Variants in TOX observed in about 807,000 individuals in gnomAD.
The protein encoded by TOX is thymocyte selection associated high mobility group box, also known as thymocyte selection-associated high mobility group box protein TOX.
A neutral mutation model predicts 53.7 loss-of-function variants in TOX; 11 were observed. That is an observed-to-expected ratio of 0.20 (90% CI 0.13 to 0.34). The LOEUF is 0.34. TOX is among the 10% of genes least tolerant of loss of function. The pLI is 1.00. For missense variants in TOX, 570 were observed against 664.6 expected (o/e 0.86, Z 1.56); for synonymous variants, 225 against 245.3 (o/e 0.92, Z 0.77).
At chr8:58,981,035 T>C (rs752592620) in intron 1 of TOX, among the ~76,000 whole-genome samples, 3 of 152,236 alleles carry the variant, frequency 2.0e-5, no homozygotes, top group Non-Finnish European at 2.9e-5. Flanking sequence ...GATTTTTATA[T>C]TTCTCTTGCA....
At chr8:58,819,263 A>T (rs893772982) in intron 6 of TOX, among the ~76,000 whole-genome samples, 1 of 152,244 alleles carries the variant, frequency 6.6e-6, no homozygotes, top group Non-Finnish European at 1.5e-5. Flanking sequence ...CTATTTTCTC[A>T]TACATACTAA....
intron 1 of TOX, among the ~76,000 whole-genome samples, chr8:59,008,587 C>T (rs1328310860): frequency 1.3e-5 from 2 of 152,154 alleles, no homozygotes; most frequent in African/African-American, 2.4e-5. Flanking sequence ...GCTCACCTCC[C>T]CCCCATGACT....
intron 3 of TOX, among the ~76,000 whole-genome samples, chr8:58,934,575 C>G (rs536255561): frequency 6.6e-6 from 1 of 152,290 alleles, no homozygotes; most frequent in East Asian, 1.9e-4. Flanking sequence ...CTGACGCACT[C>G]TGGCCCAAAG....
At chr8:59,005,621 A>G (rs866845569) in intron 1 of TOX, among the ~76,000 whole-genome samples, 60 of 152,334 alleles carry the variant, frequency 3.9e-4, no homozygotes, top group Middle Eastern at 3.4e-3. Context: ...AATTCACTAC[A>G]TGTACAACCA....
chr8:59,040,696 G>A (rs971637339), intron 1 of TOX, among the ~76,000 whole-genome samples: 2 of 152,154 alleles, frequency 1.3e-5, no homozygotes, highest in African/African-American at 4.8e-5. Context: ...TGCACAGCAC[G>A]ACCAAAGCAC....
intron 1 of TOX, among the ~76,000 whole-genome samples, chr8:59,039,580 C>G (rs1803538559): frequency 6.6e-6 from 1 of 152,184 alleles, no homozygotes; most frequent in Admixed American, 6.5e-5. Flanking sequence ...CTCTGTTCAT[C>G]TCTTATTCCC....
At chr8:59,069,730 GAGA>G (rs1185954497) in intron 1 of TOX, among the ~76,000 whole-genome samples, 12 of 152,142 alleles carry the variant, frequency 7.9e-5, no homozygotes, top group Non-Finnish European at 1.8e-4. Context: ...AAGAGGTCCA[GAGA>G]AGAAGAAGAA....
At chr8:58,985,536 A>T (rs549505788) in intron 1 of TOX, among the ~76,000 whole-genome samples, 1 of 152,324 alleles carries the variant, frequency 6.6e-6, no homozygotes, top group African/African-American at 2.4e-5. Flanking sequence ...TTTGACTTTC[A>T]GTTTTGCAAG....
chr8:59,040,184 C>G (rs1258486718), intron 1 of TOX, among the ~76,000 whole-genome samples: 1 of 151,830 alleles, frequency 6.6e-6, no homozygotes, highest in Non-Finnish European at 1.5e-5. Flanking sequence ...AAAAAATTAG[C>G]CGGGCGTAGT....
intron 4 of TOX, among the ~76,000 whole-genome samples, chr8:58,840,529 A>G (rs1280438287): frequency 1.3e-5 from 2 of 152,166 alleles, no homozygotes; most frequent in African/African-American, 4.8e-5. Flanking sequence ...TCAGCTTTTA[A>G]TACCCTGATG....
In TOX at chr8:58,826,810, A is replaced by G; in HGVS notation, c.1005+12T>C. The G allele has an allele frequency of 1.9e-6, 3 of 1,598,938 alleles. No individual in the cohort carries two copies. Among genetic ancestry groups the G allele is most frequent in the East Asian group, 4.5e-5 (2 of 44,070 alleles). On this transcript the variant is annotated intron_variant, in intron 6 of 8. Transcript: ENST00000361421. Reference sequence around the variant, plus strand: ...CCACAATCCTTCACAATATCACACAACTGCACGTTACCTTGGATACAAGGC... The same window carrying G: ...CCACAATCCTTCACAATATCACACAGCTGCACGTTACCTTGGATACAAGGC...
At chr8:58,959,010 A>G (rs1158730634) in intron 2 of TOX, among the ~76,000 whole-genome samples, 1 of 152,314 alleles carries the variant, frequency 6.6e-6, no homozygotes, top group East Asian at 1.9e-4. Context: ...TATTAAATCT[A>G]TATGTGTGGA....
In TOX at chr8:59,048,429, T is replaced by A. The variant is rs78470910; in HGVS notation, c.102+70457A>T. On this transcript the variant is annotated intron_variant, in intron 1 of 8. Transcript: ENST00000361421. ...ACATAATAGATAATTCCCCCTTTTT[T>A]ATCTGTGAAGACATTGAAACATCAG... Among the ~76,000 whole-genome samples the A allele has an allele frequency of 8.7e-4, 132 of 152,342 alleles. 3 individuals are homozygous for A. The East Asian group carries it at 0.024, about 27-fold the overall frequency.
At position 58,851,809 on chromosome 8, in the gene TOX, C is replaced by CAATG. The variant is rs761722563; in HGVS notation, c.412-5_412-4insCATT. Reference sequence around the variant, plus strand: ...CTGGGTTTCGTATATCTGGCATCTACAATAAATAAATAAATAAATAAATAA... The same window carrying CAATG: ...CTGGGTTTCGTATATCTGGCATCTACAATGAATAAATAAATAAATAAATAAATAA... On this transcript the variant is annotated splice_polypyrimidine_tract_variant and splice_region_variant and intron_variant, in intron 3 of 8. Coordinates refer to ENST00000361421, the MANE Select transcript of TOX (RefSeq NM_014729.3). This position sits in a 1 kb window ranked among gnomAD's most constrained non-coding sequence, Gnocchi z 4.4. 4 of 1,207,214 alleles carry CAATG rather than the reference C, an allele frequency of 3.3e-6. No individual in the cohort carries two copies. In the African/African-American group the frequency reaches 6.5e-5, roughly 20 times the overall value. The allele number at this position is 1,207,214 out of a possible 1,614,324, so 74.8% of individuals were successfully genotyped here. A position where few individuals can be genotyped will look rare whatever the true frequency, so the allele number is the denominator to read the frequency against.
chr8:59,010,776 T>C (rs1299709404), intron 1 of TOX, among the ~76,000 whole-genome samples: 3 of 152,340 alleles, frequency 2.0e-5, no homozygotes, highest in East Asian at 1.9e-4. Flanking sequence ...AACACAAATA[T>C]ATTTCTCCTA....
intron 3 of TOX, among the ~76,000 whole-genome samples, chr8:58,929,756 T>C (rs1812229216): frequency 6.6e-6 from 1 of 152,066 alleles, no homozygotes; most frequent in African/African-American, 2.4e-5. Flanking sequence ...TATAATCATT[T>C]TGTAATTAAA....
At chr8:58,940,686 C>T (rs575345814) in intron 2 of TOX, among the ~76,000 whole-genome samples, 3 of 152,114 alleles carry the variant, frequency 2.0e-5, no homozygotes, top group South Asian at 2.1e-4. Flanking sequence ...CTCAAGTGTG[C>T]AAGATTTGAA....
intron 1 of TOX, among the ~76,000 whole-genome samples, chr8:59,042,518 T>C (rs955021090): frequency 3.3e-5 from 5 of 152,260 alleles, no homozygotes; most frequent in African/African-American, 1.2e-4. Flanking sequence ...TTTATTATTA[T>C]GCAAAAGCAT....
chr8:59,095,106 AC>A (rs988816833), intron 1 of TOX, among the ~76,000 whole-genome samples: 1 of 152,258 alleles, frequency 6.6e-6, no homozygotes, highest in Non-Finnish European at 1.5e-5. Context: ...AGCATAAGGG[AC>A]AAGGACTGTG....
Sources: allele counts gnomAD v4.1 joint callset (sites outside exome capture counted in the v4.1 genomes callset), GRCh38; gene constraint gnomAD v4.1.1; non-coding constraint Gnocchi (gnomAD v3.1); transcripts MANE v1.5; gene names NCBI Gene and HGNC (gene_info 2026-07-23, HGNC 2026-07-21).